The following WWOX variants were observed in gnomAD, a reference collection of about 807,000 sequenced individuals.
WWOX encodes the protein WW domain containing oxidoreductase.
In WWOX, 69 loss-of-function variants were observed where a neutral mutation model predicts 46.2. The observed-to-expected ratio is 1.49, with a 90% confidence interval of 1.23 to 1.82. The LOEUF (loss-of-function observed/expected upper bound fraction) is 1.82, where lower values mean the gene tolerates loss of function less well. WWOX is among the 40% of genes most tolerant of loss of function. The pLI is 0.00. For missense variants in WWOX, 919 were observed against 542.6 expected (o/e 1.69, Z -6.89); for synonymous variants, 359 against 202.6 (o/e 1.77, Z -6.56).
intron 8 of WWOX, among the ~76,000 whole-genome samples, chr16:78,528,320 G>T (rs2043532951): frequency 6.6e-6 from 1 of 151,044 alleles, no homozygotes; most frequent in Non-Finnish European, 1.5e-5. Flanking sequence ...GCCCTACATG[G>T]GTATTCTAAC....
intron 8 of WWOX, among the ~76,000 whole-genome samples, chr16:78,561,874 T>G (rs1489508834): frequency 6.6e-6 from 1 of 152,196 alleles, no homozygotes; most frequent in Non-Finnish European, 1.5e-5. Context: ...AGTTGGTCTC[T>G]TGAGTGACCT....
In WWOX at chr16:78,876,983, C is replaced by T. The variant is rs146925847; in HGVS notation, c.1057-334625C>T. On this transcript the variant is annotated intron_variant, in intron 8 of 8. Coordinates refer to ENST00000566780, the MANE Select transcript of WWOX (RefSeq NM_016373.4). ...TCCTCTGTATAGTCTTATTACTTTG[C>T]CTGTTAAGTTAACTGGTTCCTATTT... Among the ~76,000 whole-genome samples, 854 of 152,218 alleles carry T rather than the reference C, an allele frequency of 5.6e-3. 10 individuals carry two copies. Among genetic ancestry groups the T allele is most frequent in the Middle Eastern group, 0.014 (4 of 294 alleles).
chr16:79,144,955 G>C (rs978568772), intron 8 of WWOX, among the ~76,000 whole-genome samples: 1 of 152,112 alleles, frequency 6.6e-6, no homozygotes, highest in Non-Finnish European at 1.5e-5. Flanking sequence ...TATATGTAGG[G>C]TTTGGAACCA....
intron 8 of WWOX, among the ~76,000 whole-genome samples, chr16:78,565,048 ACTGTT>A (rs2044531682): frequency 6.6e-6 from 1 of 152,154 alleles, no homozygotes; most frequent in African/African-American, 2.4e-5. Flanking sequence ...AGGTTCTTGA[ACTGTT>A]CTCTCCCCAG....
In WWOX at chr16:78,303,732, C is replaced by T. The variant is rs191230918; in HGVS notation, c.517-83128C>T. 2.3e-3 allele frequency among the ~76,000 whole-genome samples: 345 copies of T among 152,172 alleles called. 1 individual carries two copies. The highest frequency in any genetic ancestry group is 3.7e-3 in the Non-Finnish European group (253 of 67,996). On this transcript the variant is annotated intron_variant, in intron 5 of 8. Coordinates refer to ENST00000566780, the MANE Select transcript of WWOX (RefSeq NM_016373.4). Reference sequence around the variant, plus strand: ...GCTAATTGTGTATTTTTAGTAGAGACGGGATTTCTGCATGTTGGTCAGGCT... The same window carrying T: ...GCTAATTGTGTATTTTTAGTAGAGATGGGATTTCTGCATGTTGGTCAGGCT...
chr16:78,818,206 A>T (rs1312182105), intron 8 of WWOX, among the ~76,000 whole-genome samples: 1 of 152,188 alleles, frequency 6.6e-6, no homozygotes, highest in Non-Finnish European at 1.5e-5. Flanking sequence ...CTCCCTGGAA[A>T]GGCTAATGGC....
At chr16:79,034,745 C>T (rs1164960018) in intron 8 of WWOX, among the ~76,000 whole-genome samples, 5 of 151,944 alleles carry the variant, frequency 3.3e-5, no homozygotes, top group East Asian at 1.9e-4. Flanking sequence ...GCATACCTGC[C>T]GTGCTCAAAG....
intron 8 of WWOX, among the ~76,000 whole-genome samples, chr16:78,594,300 C>T (rs999833818): frequency 1.3e-5 from 2 of 152,000 alleles, no homozygotes; most frequent in African/African-American, 4.8e-5. Context: ...TTTCCGTAGA[C>T]TGTTTTTTTT....
intron 8 of WWOX, among the ~76,000 whole-genome samples, chr16:78,555,916 G>T (rs1322686348): frequency 3.9e-5 from 6 of 151,900 alleles, no homozygotes; most frequent in Admixed American, 3.9e-4. Flanking sequence ...TCTACTGCAG[G>T]GTATTTATTA....
intron 8 of WWOX, among the ~76,000 whole-genome samples, chr16:78,597,992 G>C (rs886331393): frequency 1.3e-5 from 2 of 152,106 alleles, no homozygotes; most frequent in African/African-American, 4.8e-5. Context: ...GCAATTTTCA[G>C]CCTCTGCTTA....
chr16:79,209,435 C>G (rs545558597), intron 8 of WWOX, among the ~76,000 whole-genome samples: 1 of 152,188 alleles, frequency 6.6e-6, no homozygotes, highest in Non-Finnish European at 1.5e-5. Flanking sequence ...TTTGGTCTTT[C>G]CTCACGCTTG....
intron 8 of WWOX, among the ~76,000 whole-genome samples, chr16:78,686,074 G>C (rs2047849634): frequency 6.6e-6 from 1 of 152,136 alleles, no homozygotes; most frequent in Non-Finnish European, 1.5e-5. Context: ...AAGTAGATTT[G>C]GGATCTATAG....
Position 78,732,834 on chromosome 16 carries a change from T to C in WWOX, c.1056+300082T>C, listed in dbSNP as rs11863634. Among the ~76,000 whole-genome samples, 485 of 152,310 alleles carry C rather than the reference T, an allele frequency of 3.2e-3. 2 individuals carry two copies. The highest frequency in any genetic ancestry group is 0.011 in the African/African-American group (461 of 41,582). ...TAGAAGTAATTATTTCTGTAACTCTTAGGCAGGGCTTAGGAATTATCTCCC... is the reference window on the plus strand; with the variant it reads ...TAGAAGTAATTATTTCTGTAACTCTCAGGCAGGGCTTAGGAATTATCTCCC... On this transcript the variant is annotated intron_variant, in intron 8 of 8. Coordinates refer to ENST00000566780, the MANE Select transcript of WWOX (RefSeq NM_016373.4).
At chr16:78,514,526 G>C (rs544587281) in intron 8 of WWOX, among the ~76,000 whole-genome samples, 83 of 152,302 alleles carry the variant, frequency 5.4e-4, no homozygotes, top group African/African-American at 1.6e-3. Flanking sequence ...GGTACACTTA[G>C]ATAGGCATCA....
intron 5 of WWOX, among the ~76,000 whole-genome samples, chr16:78,217,895 G>T (rs976268310): frequency 3.3e-5 from 5 of 152,186 alleles, no homozygotes; most frequent in African/African-American, 1.2e-4. Flanking sequence ...GATCCTTCCA[G>T]ACTTCATGCC....
At chr16:78,517,823 T>TG (rs1295634604) in intron 8 of WWOX, among the ~76,000 whole-genome samples, 1 of 143,284 alleles carries the variant, frequency 7.0e-6, no homozygotes, top group Non-Finnish European at 1.5e-5. Context: ...TAACAAGAAG[T>TG]GAAAAAAAAA....
At chr16:78,610,382 A>G (rs2045872349) in intron 8 of WWOX, among the ~76,000 whole-genome samples, 1 of 152,224 alleles carries the variant, frequency 6.6e-6, no homozygotes, top group African/African-American at 2.4e-5. Flanking sequence ...AAGGTGGTAT[A>G]CTAAAGGAGA....
intron 8 of WWOX, among the ~76,000 whole-genome samples, chr16:78,930,972 A>G (rs1187506990): frequency 1.3e-5 from 2 of 152,212 alleles, no homozygotes; most frequent in African/African-American, 2.4e-5. Flanking sequence ...TGTCACTAGC[A>G]GCCTCAGTTT....
intron 8 of WWOX, among the ~76,000 whole-genome samples, chr16:78,944,986 C>A (rs55633927): frequency 1.3e-5 from 2 of 152,140 alleles, no homozygotes; most frequent in Non-Finnish European, 1.5e-5. Flanking sequence ...CAAGACCAGC[C>A]TGAGCAACAT....
Sources: gnomAD v4.1 joint callset for allele counts (sites outside exome capture counted in the v4.1 genomes callset) on GRCh38, gnomAD v4.1.1 for gene constraint, MANE v1.5 for transcripts, NCBI Gene and HGNC (gene_info 2026-07-23, HGNC 2026-07-21) for gene names.